The following CCDC18 variants were observed in gnomAD, a reference collection of about 807,000 sequenced individuals.
CCDC18 encodes the protein coiled-coil domain-containing protein 18.
A neutral mutation model predicts 196.0 loss-of-function variants in CCDC18; 157 were observed. The ratio of observed to expected loss-of-function variants is 0.80; its 90% CI spans 0.70 to 0.91. CCDC18 has a LOEUF of 0.91. Among genes scored for constraint, CCDC18 ranks in the 40% least tolerant of loss-of-function variants. The pLI is 0.00. For synonymous variants in CCDC18, 482 were observed against 529.2 expected (o/e 0.91, Z 1.22); for missense variants, 1,465 against 1,611.6 (o/e 0.91, Z 1.56).
At chr1:93,203,284 A>G (rs1462568572) in intron 7 of CCDC18, among the ~76,000 whole-genome samples, 1 of 152,222 alleles carries the variant, frequency 6.6e-6, no homozygotes, top group Admixed American at 6.5e-5. Context: ...TGATTGCATC[A>G]TGAATCAAAA....
intron 27 of CCDC18, among the ~76,000 whole-genome samples, chr1:93,267,885 C>T (rs1043354919): frequency 6.6e-6 from 1 of 152,114 alleles, no homozygotes; most frequent in Non-Finnish European, 1.5e-5. Flanking sequence ...AGATTCAATG[C>T]CATCTCCATC....
In CCDC18 at chr1:93,246,938, A is replaced by C. The variant is rs1661567655; in HGVS notation, c.3182A>C (p.Lys1061Thr). 1 of 1,292,570 alleles carries C rather than the reference A, an allele frequency of 7.7e-7. No homozygotes were observed. The highest frequency in any genetic ancestry group is 2.1e-5 in the Admixed American group (1 of 46,610). 80.1% of individuals were successfully genotyped at this position (1,292,570 alleles called of 1,614,324 possible). A position where few individuals can be genotyped will look rare whatever the true frequency, so the allele number is the denominator to read the frequency against. The change falls in exon 23 of 29, where the codon AAA becomes ACA. Residue 1061 changes from lysine to threonine, a missense_variant. Lys to Thr is a moderately conservative substitution (Grantham distance 78). Transcript: ENST00000690025. ...GTLEKSELEL[K>T]ECNKQIESLN... is the part of the protein sequence containing the mutation. ...CTGGAGAAATCAGAATTGGAACTTA[A>C]AGAATGTAACAAACAGGTAAATTAT...
chr1:93,204,692 G>T (rs1233690345), intron 7 of CCDC18, among the ~76,000 whole-genome samples: 1 of 150,080 alleles, frequency 6.7e-6, no homozygotes, highest in African/African-American at 2.4e-5. Context: ...CAGTAAAACT[G>T]TGAGTATCAC....
rs1222696047 is a variant in CCDC18, at chr1:93,232,518, A to G, written c.2385A>G (p.Gln795=). 2.5e-6 allele frequency: 4 copies of G among 1,613,202 alleles called. No individual in the cohort carries two copies. Among genetic ancestry groups the G allele is most frequent in the Non-Finnish European group, 3.4e-6 (4 of 1,179,400 alleles). Residue 795 remains glutamine, a synonymous_variant, in exon 18 of 29, where the codon CAA becomes CAG. Coordinates refer to ENST00000690025, the MANE Select transcript of CCDC18 (RefSeq NM_001378204.1). ...QNVILQHTLQ[Q]QQQMLQQETI... The stretch of plus-strand genomic sequence containing the variant: ...TTATTCTACAGCATACTCTTCAGCA[A>G]CAGCAGCAAATGTTACAACAAGAGA...
At chr1:93,214,200 C>T (rs942042536) in intron 11 of CCDC18, among the ~76,000 whole-genome samples, 1 of 152,124 alleles carries the variant, frequency 6.6e-6, no homozygotes, top group Admixed American at 6.6e-5. Context: ...GCTCAGATAA[C>T]AGGTGCCACT....
chr1:93,252,735 A>C (rs1160888945), intron 23 of CCDC18, among the ~76,000 whole-genome samples: 1 of 152,224 alleles, frequency 6.6e-6, no homozygotes, highest in African/African-American at 2.4e-5. Context: ...TAGTCTTTGC[A>C]GTCTGGCTTA....
chr1:93,249,733 A>G (rs943205581), intron 23 of CCDC18, among the ~76,000 whole-genome samples: 5 of 152,210 alleles, frequency 3.3e-5, no homozygotes, highest in African/African-American at 1.2e-4. Flanking sequence ...TATATTCTCA[A>G]TGCAATTCTA....
chr1:93,255,760 A>C (rs111765601), intron 24 of CCDC18, among the ~76,000 whole-genome samples: 2 of 99,400 alleles, frequency 2.0e-5, no homozygotes, highest in East Asian at 4.4e-4. Flanking sequence ...AAGAAGAGGA[A>C]GAAGAGGAGG....
chr1:93,248,009 CTTTTTTT>C (rs71586785), intron 23 of CCDC18, among the ~76,000 whole-genome samples: 6 of 69,780 alleles, frequency 8.6e-5, no homozygotes, highest in South Asian at 5.2e-4. Context: ...TATTTTCCTT[CTTTTTTT>C]TTTTTTTTTT....
rs1043572103 is a variant in CCDC18 at position 93,211,209 on chromosome 1, C to T, written c.1334+283C>T. On this transcript the variant is annotated intron_variant, in intron 10 of 28. Coordinates refer to ENST00000690025, the MANE Select transcript of CCDC18 (RefSeq NM_001378204.1). ...AGGAGAATCACTTGAACCCGGGAGG[C>T]GGTGGTTGCAGTGAGCTGAGATAGT... Among the ~76,000 whole-genome samples, 15 of 148,924 alleles carry T rather than the reference C, an allele frequency of 1.0e-4. No individual in the cohort carries two copies. Among genetic ancestry groups the T allele is most frequent in the East Asian group, 4.0e-4 (2 of 4,956 alleles).
chr1:93,258,078 AAATT>A lies in CCDC18; in HGVS notation c.3547-663_3547-660del, dbSNP rs541287933. Among the ~76,000 whole-genome samples the A allele has an allele frequency of 6.1e-3, 917 of 150,130 alleles. 10 individuals are homozygous for A. The highest frequency in any genetic ancestry group is 0.016 in the South Asian group (79 of 4,826). On this transcript the variant is annotated intron_variant, in intron 25 of 28. Transcript: ENST00000690025. ...GACATTAATTAAAATTAAAATAATT[AAATT>A]AATTAAAATTAAATTAATAAAAATT...
In CCDC18 at chr1:93,183,436, A is replaced by C; in HGVS notation, c.75A>C (p.Leu25Phe). The change falls in exon 2 of 29, where the codon TTA becomes TTC. Residue 25 changes from leucine to phenylalanine, a missense_variant. Transcript: ENST00000690025. ...GTTTGCTTGCAAATGTTGCTTCCTT[A>C]AGACATGAACTGAAGATAACAGAAT... ...EESLLANVAS[L>F]RHELKITEWS... 1 of 1,608,476 alleles carries C rather than the reference A, an allele frequency of 6.2e-7. No homozygotes were observed. Among genetic ancestry groups the C allele is most frequent in the Non-Finnish European group, 8.5e-7 (1 of 1,176,776 alleles).
intron 3 of CCDC18, among the ~76,000 whole-genome samples, chr1:93,185,834 T>C (rs555803201): frequency 6.6e-6 from 1 of 151,940 alleles, no homozygotes; most frequent in Admixed American, 6.5e-5. Flanking sequence ...AGAAATGTTT[T>C]GAAAATCACA....
intron 6 of CCDC18, among the ~76,000 whole-genome samples, chr1:93,196,462 G>A (rs1026835136): frequency 6.6e-6 from 1 of 152,164 alleles, no homozygotes; most frequent in African/African-American, 2.4e-5. Flanking sequence ...CTCATATAAT[G>A]TTTAACACTT....
chr1:93,270,507 C>T lies in CCDC18; in HGVS notation c.4046C>T (p.Thr1349Ile). 1 of 1,550,326 alleles carries T rather than the reference C, an allele frequency of 6.5e-7. No homozygotes were observed. The highest frequency in any genetic ancestry group is 8.7e-7 in the Non-Finnish European group (1 of 1,146,858). ...KCFHTSFSKC[T>I]KLRRSISASD... ...TTTCACACATCTTTTTCCAAGTGTA[C>T]AAAATTACGTCGCTCTATTAGTGCC... The change falls in exon 28 of 29, where the codon ACA (threonine) becomes ATA (isoleucine). Residue 1349 changes from threonine to isoleucine, a missense_variant. Coordinates refer to ENST00000690025, the MANE Select transcript of CCDC18 (RefSeq NM_001378204.1).
chr1:93,275,668 G>C (rs1290717021), intron 28 of CCDC18, among the ~76,000 whole-genome samples: 10 of 152,166 alleles, frequency 6.6e-5, no homozygotes, highest in Non-Finnish European at 2.9e-5. Flanking sequence ...ACTCATGGCT[G>C]CTCATGCAAA....
At chr1:93,249,210 G>A (rs1048654578) in intron 23 of CCDC18, among the ~76,000 whole-genome samples, 9 of 152,036 alleles carry the variant, frequency 5.9e-5, no homozygotes, top group African/African-American at 1.9e-4. Flanking sequence ...TGTGGGTCCA[G>A]GAATTTATCC....
At chr1:93,244,559 G>C (rs1661248364) in intron 21 of CCDC18, among the ~76,000 whole-genome samples, 1 of 152,118 alleles carries the variant, frequency 6.6e-6, no homozygotes, top group Non-Finnish European at 1.5e-5. Context: ...ACTAGGGGAA[G>C]GGAAAATGGA....
At chr1:93,190,834 T>C (rs1651632860) in intron 4 of CCDC18, 1 of 721,580 alleles carries the variant, frequency 1.4e-6, no homozygotes, top group East Asian at 2.6e-5. Flanking sequence ...AGATCTGCAG[T>C]TGGGCTCAGT....
Sources: allele counts gnomAD v4.1 joint callset (sites outside exome capture counted in the v4.1 genomes callset), GRCh38; gene constraint gnomAD v4.1.1; transcripts MANE v1.5; gene names NCBI Gene and HGNC (gene_info 2026-07-23, HGNC 2026-07-21).